The following PIEZO2 variants were observed in gnomAD, a reference collection of about 807,000 sequenced individuals.
The protein encoded by PIEZO2 is piezo-type mechanosensitive ion channel component 2.
In PIEZO2, 172 loss-of-function variants were observed where a neutral mutation model predicts 337.3. The observed-to-expected ratio is 0.51, with a 90% CI of 0.45 to 0.58. PIEZO2 has a LOEUF of 0.58. Ranked by LOEUF, PIEZO2 falls within the 20% of genes least tolerant of loss-of-function variation. The pLI, the probability that PIEZO2 is intolerant of heterozygous loss-of-function variation, is 0.00. For synonymous variants in PIEZO2, 1,251 were observed against 1,228.5 expected, an observed-to-expected ratio of 1.02 and a Z score of -0.38; for missense variants, 3,028 against 3,391.3, an observed-to-expected ratio of 0.89 and a Z score of 2.66.
chr18:10,890,789 T>C (rs111822694), intron 4 of PIEZO2: 4 of 152,210 alleles, frequency 2.6e-5, no homozygotes, highest in African/African-American at 9.6e-5. Flanking sequence ...AAACTTCTAA[T>C]TCGCTTCTGA....
intron 38 of PIEZO2, 43 bp downstream of exon 38, chr18:10,715,607 T>G (rs1268166221): frequency 6.8e-7 from 1 of 1,460,798 alleles, no homozygotes; most frequent in Non-Finnish European, 9.0e-7. Context: ...TAATGTCTTC[T>G]TAATGTGGGA....
rs1424683546 is a variant in PIEZO2 at position 11,038,916 on chromosome 18, G to T, written c.160+27211C>A. 6.6e-6 allele frequency among the ~76,000 whole-genome samples: 1 copy of T among 152,164 alleles called. No homozygotes were observed. Among genetic ancestry groups the T allele is most frequent in the East Asian group, 1.9e-4 (1 of 5,194 alleles). ...TAAAAAAGAAGACAGTAAGAATCAT[G>T]ATTTTGAAACCACTGTAGCTTTGAC... On this transcript the variant is annotated intron_variant, in intron 2 of 55. Coordinates refer to ENST00000674853, the MANE Select transcript of PIEZO2 (RefSeq NM_001378183.1). The surrounding 1 kb of genome is among the most constrained non-coding windows in gnomAD (Gnocchi z 4.1).
intron 3 of PIEZO2, among the ~76,000 whole-genome samples, chr18:10,921,852 C>T (rs2031434160): frequency 6.6e-6 from 1 of 152,234 alleles, no homozygotes; most frequent in Non-Finnish European, 1.5e-5. Context: ...GTGTGGCCGT[C>T]TTCTATGGTC....
At chr18:10,822,347 CT>C (rs148286996) in intron 7 of PIEZO2, among the ~76,000 whole-genome samples, 26,798 of 152,164 alleles carry the variant, frequency 0.18, 2,384 homozygotes, top group Middle Eastern at 0.24. Context: ...ATAGCTGAAA[CT>C]TTTCCTCCCA....
chr18:10,789,708 C>A (rs1404838737), intron 14 of PIEZO2, among the ~76,000 whole-genome samples: 1 of 152,150 alleles, frequency 6.6e-6, no homozygotes, highest in African/African-American at 2.4e-5. Flanking sequence ...ATATCAATTT[C>A]AAATTCTAAT....
At position 10,953,324 on chromosome 18, in the gene PIEZO2, C is replaced by A. The variant is rs2033378545; in HGVS notation, c.286+26211G>T. Among the ~76,000 whole-genome samples, 1 of 152,112 alleles carries A rather than the reference C, an allele frequency of 6.6e-6. No homozygotes were observed. The highest frequency in any genetic ancestry group is 6.5e-5 in the Admixed American group (1 of 15,274). Reference sequence around the variant, plus strand: ...TTAAGAAAACTTTGCCCTTCCCTAACCCAAGATTACAAACATTTTCTCCTA... The same window carrying A: ...TTAAGAAAACTTTGCCCTTCCCTAAACCAAGATTACAAACATTTTCTCCTA... On this transcript the variant is annotated intron_variant, in intron 3 of 55. Transcript: ENST00000674853. The surrounding 1 kb of genome is among the most constrained non-coding windows in gnomAD (Gnocchi z 5.2).
In PIEZO2 at chr18:10,697,634, A is replaced by G. The variant is rs1450222382; in HGVS notation, c.6827+114T>C. 7.2e-6 allele frequency: 10 copies of G among 1,385,504 alleles called. No individual in the cohort carries two copies. In the East Asian group the frequency reaches 1.8e-4, roughly 26 times the overall value. The allele number at this position is 1,385,504 out of a possible 1,614,324, so 85.8% of individuals were successfully genotyped here. On this transcript the variant is annotated intron_variant, in intron 45 of 55. Coordinates refer to ENST00000674853, the MANE Select transcript of PIEZO2 (RefSeq NM_001378183.1). ...GGTAATTTCATTCTGCCTTACGCAGATAACATTTGTGACACGAGAAGTTAC... is the reference window on the plus strand; with the variant it reads ...GGTAATTTCATTCTGCCTTACGCAGGTAACATTTGTGACACGAGAAGTTAC...
chr18:10,918,091 C>T (rs932670006), intron 3 of PIEZO2, among the ~76,000 whole-genome samples: 9 of 152,092 alleles, frequency 5.9e-5, no homozygotes, highest in Non-Finnish European at 8.8e-5. Flanking sequence ...TGTTTAACCC[C>T]AGAAATGGCT....
At position 10,772,041 on chromosome 18, in the gene PIEZO2, A is replaced by T. The variant is rs535864416; in HGVS notation, c.2785+1371T>A. Among the ~76,000 whole-genome samples the T allele has an allele frequency of 1.1e-4, 16 of 152,370 alleles. No homozygotes were observed. The East Asian group carries it at 3.1e-3, about 29-fold the overall frequency. On this transcript the variant is annotated intron_variant, in intron 20 of 55. Coordinates refer to ENST00000674853, the MANE Select transcript of PIEZO2 (RefSeq NM_001378183.1). ...TGCTTCCTTTAAGTGAATGGTTAAC[A>T]ATTCTCAATTTTATTAATAACGAAA...
chr18:11,116,464 A>G lies in PIEZO2; in HGVS notation c.64+32061T>C, dbSNP rs541612171. On this transcript the variant is annotated intron_variant, in intron 1 of 55. Transcript: ENST00000674853. This position sits in a 1 kb window ranked among gnomAD's most constrained non-coding sequence, Gnocchi z 5.0. ...CGCGGTGGCTCACGCCTGTAAACCC[A>G]GCACTTTGGGAGGCCGAGCTGGGCG... is the stretch of plus-strand genomic sequence containing the variant. Among the ~76,000 whole-genome samples the G allele has an allele frequency of 9.9e-5, 15 of 152,172 alleles. No homozygotes were observed. Among genetic ancestry groups the G allele is most frequent in the African/African-American group, 3.1e-4 (13 of 41,510 alleles).
chr18:11,066,100 T>A, intron 2 of PIEZO2, 27 bp downstream of exon 2: 1 of 1,482,920 alleles, frequency 6.7e-7, no homozygotes, highest in Non-Finnish European at 9.1e-7. Flanking sequence ...TATAACTCTG[T>A]GGTATACGAT....
At chr18:10,901,721 G>A (rs976659665) in intron 4 of PIEZO2, among the ~76,000 whole-genome samples, 2 of 152,116 alleles carry the variant, frequency 1.3e-5, no homozygotes, top group Non-Finnish European at 2.9e-5. Flanking sequence ...GTGCTGAGTA[G>A]AATATGATTA....
At chr18:11,026,029 C>T (rs1303831485) in intron 2 of PIEZO2, among the ~76,000 whole-genome samples, 1 of 152,148 alleles carries the variant, frequency 6.6e-6, no homozygotes, top group Non-Finnish European at 1.5e-5. Context: ...AGCACCATCA[C>T]AAGTAGGAAG....
chr18:10,827,441 T>C (rs1180527833), intron 7 of PIEZO2, among the ~76,000 whole-genome samples: 2 of 151,814 alleles, frequency 1.3e-5, no homozygotes, highest in African/African-American at 4.9e-5. Flanking sequence ...ATTTTCCCCA[T>C]GTTTAATGTT....
intron 23 of PIEZO2, among the ~76,000 whole-genome samples, chr18:10,762,015 A>G (rs1463694614): frequency 1.3e-5 from 2 of 152,192 alleles, no homozygotes; most frequent in Non-Finnish European, 2.9e-5. Context: ...TTTATTAAAA[A>G]CTATAGATAA....
At chr18:10,957,454 G>T (rs1221314949) in intron 3 of PIEZO2, among the ~76,000 whole-genome samples, 3 of 150,572 alleles carry the variant, frequency 2.0e-5, no homozygotes, top group Non-Finnish European at 1.5e-5. Flanking sequence ...TGATGGGAAA[G>T]CTGGATTTCC....
At chr18:10,800,850 T>A (rs999921782) in intron 10 of PIEZO2, among the ~76,000 whole-genome samples, 2 of 152,194 alleles carry the variant, frequency 1.3e-5, no homozygotes, top group African/African-American at 4.8e-5. Flanking sequence ...CATCCCTCCA[T>A]CTATATGGGA....
rs1941547 is a variant in PIEZO2 at position 10,748,054 on chromosome 18, C to T, written c.4424+417G>A. Among the ~76,000 whole-genome samples the T allele has an allele frequency of 0.63, 96,082 of 151,726 alleles. 32,541 individuals are homozygous for T. Among genetic ancestry groups the T allele is most frequent in the African/African-American group, 0.89 (36,835 of 41,406 alleles). Reference sequence around the variant, plus strand: ...GAAGAATGGAGCCTAGGGGAAAAAACAGGTAGTAATGCAAATTGTGTCAGT... The same window carrying T: ...GAAGAATGGAGCCTAGGGGAAAAAATAGGTAGTAATGCAAATTGTGTCAGT... On this transcript the variant is annotated intron_variant, in intron 30 of 55. Transcript: ENST00000674853. This position sits in a 1 kb window ranked among gnomAD's most constrained non-coding sequence, Gnocchi z 5.1.
In PIEZO2 at chr18:10,855,613, C is replaced by A; in HGVS notation, c.704-47G>T. 1 of 1,395,280 alleles carries A rather than the reference C, an allele frequency of 7.2e-7. No individual in the cohort carries two copies. Among genetic ancestry groups the A allele is most frequent in the South Asian group, 1.3e-5 (1 of 78,914 alleles). 86.4% of individuals were successfully genotyped at this position (1,395,280 alleles called of 1,614,324 possible). On this transcript the variant is annotated intron_variant, in intron 6 of 55. Transcript: ENST00000674853. This position sits in a 1 kb window ranked among gnomAD's most constrained non-coding sequence, Gnocchi z 4.9. ...ACAAAGTCAGGTAGAACTGGAAATT[C>A]ACTTATCATTCAGTGAATGTGACTA...
Sources: allele counts gnomAD v4.1 joint callset (sites outside exome capture counted in the v4.1 genomes callset), GRCh38; gene constraint gnomAD v4.1.1; non-coding constraint Gnocchi (gnomAD v3.1); transcripts MANE v1.5; gene names NCBI Gene and HGNC (gene_info 2026-07-23, HGNC 2026-07-21).